The following CLEC16A variants were observed in gnomAD, a reference collection of about 807,000 sequenced individuals.
The protein encoded by CLEC16A is C-type lectin domain containing 16A, also known as protein CLEC16A.
Under a neutral mutation model 109.5 loss-of-function variants are expected in CLEC16A, and 51 were observed. The ratio of observed to expected loss-of-function variants is 0.47; its 90% CI spans 0.37 to 0.59. CLEC16A has a LOEUF of 0.59. CLEC16A is among the 20% of genes least tolerant of loss of function. The probability of loss-of-function intolerance (pLI) is 0.00; values close to 1 mark genes in which losing one functional copy is unlikely to be tolerated. For synonymous variants in CLEC16A, 673 were observed against 564.2 expected (o/e 1.19, Z -2.73); for missense variants, 1,339 against 1,394.0 (o/e 0.96, Z 0.63).
At chr16:11,104,119 G>C (rs1122185) in intron 19 of CLEC16A, among the ~76,000 whole-genome samples, 38,583 of 151,802 alleles carry the variant, frequency 0.25, 5,032 homozygotes, top group African/African-American at 0.32. Context: ...GTTTTGGGGG[G>C]TTTTTTTGAG....
chr16:10,994,170 T>C (rs899716350), intron 10 of CLEC16A, among the ~76,000 whole-genome samples: 6 of 152,092 alleles, frequency 3.9e-5, no homozygotes, highest in African/African-American at 1.4e-4. Context: ...AATGCCGTGT[T>C]CTCCTTGTTA....
At chr16:11,172,373 C>G (rs1306053043) in intron 23 of CLEC16A, among the ~76,000 whole-genome samples, 1 of 152,180 alleles carries the variant, frequency 6.6e-6, no homozygotes, top group East Asian at 1.9e-4. Flanking sequence ...AAAACCATCT[C>G]CTCAGATAAG....
chr16:10,968,577 C>T (rs1186774122), intron 3 of CLEC16A, among the ~76,000 whole-genome samples: 1 of 152,198 alleles, frequency 6.6e-6, no homozygotes, highest in Non-Finnish European at 1.5e-5. Flanking sequence ...GGTAAGTTAA[C>T]ATCTCCGAGA....
At chr16:11,043,105 A>G (rs1265771125) in intron 15 of CLEC16A, among the ~76,000 whole-genome samples, 1 of 152,008 alleles carries the variant, frequency 6.6e-6, no homozygotes, top group East Asian at 1.9e-4. Context: ...CATGCTTACA[A>G]ATGAATTTTT....
intron 22 of CLEC16A, among the ~76,000 whole-genome samples, chr16:11,166,101 G>A (rs1019551406): frequency 6.6e-6 from 1 of 152,240 alleles, no homozygotes; most frequent in Non-Finnish European, 1.5e-5. Flanking sequence ...CAGCTGGCAC[G>A]CTGCTGAGCC....
intron 22 of CLEC16A, among the ~76,000 whole-genome samples, chr16:11,161,887 C>T (rs928712956): frequency 1.2e-4 from 19 of 152,196 alleles, no homozygotes; most frequent in African/African-American, 4.6e-4. Flanking sequence ...CGTGTGCAAG[C>T]CCCTAGGCGG....
At chr16:10,988,918 C>T (rs558127827) in intron 10 of CLEC16A, among the ~76,000 whole-genome samples, 4 of 152,286 alleles carry the variant, frequency 2.6e-5, no homozygotes, top group South Asian at 4.1e-4. Context: ...CCTAAGGCTG[C>T]GCAGTGACCT....
intron 17 of CLEC16A, among the ~76,000 whole-genome samples, chr16:11,049,254 C>T (rs1175310179): frequency 6.6e-6 from 1 of 152,124 alleles, no homozygotes; most frequent in Non-Finnish European, 1.5e-5. Flanking sequence ...GATCCGCCCG[C>T]CTTGGCCTCC....
At chr16:11,099,163 C>T (rs2050766751) in intron 19 of CLEC16A, among the ~76,000 whole-genome samples, 1 of 152,172 alleles carries the variant, frequency 6.6e-6, no homozygotes, top group African/African-American at 2.4e-5. Flanking sequence ...GCTCCAAGGC[C>T]CTGGGCCAGG....
At chr16:11,131,658 A>G (rs11643622) in intron 22 of CLEC16A, among the ~76,000 whole-genome samples, 108,473 of 152,056 alleles carry the variant, frequency 0.71, 40,348 homozygotes, top group African/African-American at 0.93. Context: ...TTTACCATCA[A>G]CCGCTCCCCA....
rs768769569 is a variant in CLEC16A at position 11,003,251 on chromosome 16, G to C, written c.1249G>C (p.Ala417Pro). 4 of 1,612,880 alleles carry C rather than the reference G, an allele frequency of 2.5e-6. No homozygotes were observed. The African/African-American group carries it at 5.3e-5, about 22-fold the overall frequency. Reference protein sequence around the residue: ...TEDAQEDAEKAKGTEGGSKGI... With the variant: ...TEDAQEDAEKPKGTEGGSKGI... ...GGATGCCCAAGAAGACGCCGAGAAG[G>C]CTAAAGGTACAGAGGGTGGTTCAAA... The change falls in exon 11 of 24, where the codon GCT (alanine) becomes CCT (proline). Residue 417 changes from alanine to proline, a missense_variant. By Grantham distance (27) the Ala-to-Pro change is conservative. This residue lies in a region of CLEC16A where 1,061 missense variants were observed against 1,006.8 expected (regional missense o/e 1.05). Coordinates refer to ENST00000409790, the MANE Select transcript of CLEC16A (RefSeq NM_015226.3).
chr16:11,107,616 T>TC (rs1312706632), intron 19 of CLEC16A, among the ~76,000 whole-genome samples: 1 of 151,984 alleles, frequency 6.6e-6, no homozygotes, highest in Non-Finnish European at 1.5e-5. Flanking sequence ...CCGGAGTGAG[T>TC]CGAGGCTCAG....
At chr16:11,165,659 A>G (rs1162860074) in intron 22 of CLEC16A, among the ~76,000 whole-genome samples, 2 of 152,140 alleles carry the variant, frequency 1.3e-5, no homozygotes, top group African/African-American at 4.8e-5. Context: ...TAGCTGTTCA[A>G]GTGTCTGGTG....
chr16:10,955,093 C>T (rs7186264), intron 1 of CLEC16A, among the ~76,000 whole-genome samples: 2 of 152,094 alleles, frequency 1.3e-5, no homozygotes, highest in African/African-American at 4.8e-5. Flanking sequence ...GGTGAAGCGC[C>T]TTGTCCAAGG....
intron 2 of CLEC16A, among the ~76,000 whole-genome samples, chr16:10,960,809 A>G (rs1229518705): frequency 6.6e-6 from 1 of 152,240 alleles, no homozygotes; most frequent in Non-Finnish European, 1.5e-5. Flanking sequence ...ACTTTGGGCT[A>G]TAATTCAGTA....
At chr16:10,993,620 T>A (rs1443454273) in intron 10 of CLEC16A, among the ~76,000 whole-genome samples, 2 of 152,200 alleles carry the variant, frequency 1.3e-5, no homozygotes, top group Non-Finnish European at 2.9e-5. Context: ...GTCAGGGCAG[T>A]GTAGCATTTT....
chr16:10,969,606 C>G (rs962493455), intron 4 of CLEC16A, among the ~76,000 whole-genome samples: 4 of 152,218 alleles, frequency 2.6e-5, no homozygotes, highest in Non-Finnish European at 5.9e-5. Flanking sequence ...ACCTTGGCCT[C>G]CCAAAGTGTT....
intron 22 of CLEC16A, among the ~76,000 whole-genome samples, chr16:11,164,688 C>A (rs1334664134): frequency 6.6e-6 from 1 of 152,264 alleles, no homozygotes; most frequent in Non-Finnish European, 1.5e-5. Flanking sequence ...AACTGCTCAA[C>A]TCTGCCGCTG....
At chr16:11,027,943 G>A (rs552099296) in intron 13 of CLEC16A, among the ~76,000 whole-genome samples, 3 of 152,364 alleles carry the variant, frequency 2.0e-5, no homozygotes, top group South Asian at 2.1e-4. Flanking sequence ...GCTCACGCCC[G>A]TAATCCCAAC....
Sources: allele counts gnomAD v4.1 joint callset (sites outside exome capture counted in the v4.1 genomes callset), GRCh38; gene constraint gnomAD v4.1.1; regional missense constraint gnomAD v4.1.1; transcripts MANE v1.5; gene names NCBI Gene and HGNC (gene_info 2026-07-23, HGNC 2026-07-21).